HDAC9: variants seen among roughly 807,000 people sequenced by gnomAD.
HDAC9 encodes histone deacetylase 9, also known as MEF-2 interacting transcription repressor (MITR) protein.
In HDAC9, 41 loss-of-function variants were observed where a neutral mutation model predicts 139.4. The observed-to-expected ratio is 0.29, with a 90% CI of 0.23 to 0.38. The LOEUF (loss-of-function observed/expected upper bound fraction) is 0.38. HDAC9 is among the 10% of genes least tolerant of loss of function. The probability of loss-of-function intolerance (pLI) is 1.00; values close to 1 mark genes in which losing one functional copy is unlikely to be tolerated. For missense variants in HDAC9, 1,147 were observed against 1,297.0 expected, an observed-to-expected ratio of 0.88 and a Z score of 1.78; for synonymous variants, 517 against 476.2, an observed-to-expected ratio of 1.09 and a Z score of -1.12.
At chr7:18,515,499 T>A (rs918897725) in intron 2 of HDAC9, among the ~76,000 whole-genome samples, 1 of 152,128 alleles carries the variant, frequency 6.6e-6, no homozygotes, top group Non-Finnish European at 1.5e-5. Flanking sequence ...AAACATGAGG[T>A]AGAGTTCTAG....
rs149007501 is a variant in HDAC9 at position 18,587,212 on chromosome 7, G to A, written c.264+1690G>A. 5.3e-5 allele frequency among the ~76,000 whole-genome samples: 8 copies of A among 152,172 alleles called. No homozygotes were observed. The East Asian group carries it at 1.5e-3, about 29-fold the overall frequency. ...GCTTAATTTTACTCAAAAGGTAATA[G>A]TAGCAAGTAGATAATTAATTGTTCA... On this transcript the variant is annotated intron_variant, in intron 3 of 25. Transcript: ENST00000686413.
At chr7:18,591,739 A>G in intron 5 of HDAC9, 97 bp downstream of exon 5, 2 of 1,494,550 alleles carry the variant, frequency 1.3e-6, no homozygotes, top group South Asian at 2.6e-5. Context: ...GCCATTTCTC[A>G]GCTGTCTGGC....
At chr7:18,886,395 T>G (rs2129263237) in intron 22 of HDAC9, among the ~76,000 whole-genome samples, 1 of 152,354 alleles carries the variant, frequency 6.6e-6, no homozygotes, top group African/African-American at 2.4e-5. Context: ...TAAGCAGAGT[T>G]TGCCCCAGAG....
At chr7:18,466,009 G>GT (rs1002289373) in intron 1 of HDAC9, among the ~76,000 whole-genome samples, 1 of 152,174 alleles carries the variant, frequency 6.6e-6, no homozygotes, top group African/African-American at 2.4e-5. Context: ...TAAAATCAAA[G>GT]TATTAGTGGG....
intron 13 of HDAC9, among the ~76,000 whole-genome samples, chr7:18,746,166 T>C (rs373608118): frequency 9.9e-5 from 15 of 152,260 alleles, no homozygotes; most frequent in African/African-American, 3.1e-4. Flanking sequence ...GCACCGTACC[T>C]GGCCAAAAAT....
intron 1 of HDAC9, among the ~76,000 whole-genome samples, chr7:18,418,098 G>A (rs1789255769): frequency 6.6e-6 from 1 of 152,174 alleles, no homozygotes; most frequent in Non-Finnish European, 1.5e-5. Flanking sequence ...TCTCAGGATT[G>A]CTATCCTTTG....
intron 2 of HDAC9, among the ~76,000 whole-genome samples, chr7:18,250,152 T>C (rs768888228): frequency 1.6e-4 from 24 of 152,234 alleles, no homozygotes; most frequent in Non-Finnish European, 3.4e-4. Flanking sequence ...GAAATGCTTT[T>C]ATTTCTCTGC....
intron 1 of HDAC9, among the ~76,000 whole-genome samples, chr7:18,120,981 CAT>C (rs1784333721): frequency 6.6e-6 from 1 of 151,976 alleles, no homozygotes; most frequent in African/African-American, 2.4e-5. Context: ...TAACAGAAGA[CAT>C]AGAGATGAGA....
At chr7:18,823,148 G>C (rs1795114126) in intron 17 of HDAC9, among the ~76,000 whole-genome samples, 1 of 152,194 alleles carries the variant, frequency 6.6e-6, no homozygotes, top group African/African-American at 2.4e-5. Context: ...CCAATTAACT[G>C]TTCTCACATA....
intron 1 of HDAC9, among the ~76,000 whole-genome samples, chr7:18,142,504 T>TGTC (rs1785978864): frequency 6.6e-6 from 1 of 152,254 alleles, no homozygotes; most frequent in African/African-American, 2.4e-5. Flanking sequence ...ATCTGTTCTG[T>TGTC]TGTTACTGGG....
At chr7:18,252,035 T>C (rs2128198979) in intron 2 of HDAC9, among the ~76,000 whole-genome samples, 1 of 152,306 alleles carries the variant, frequency 6.6e-6, no homozygotes, top group Non-Finnish European at 1.5e-5. Context: ...AAATAGCAAA[T>C]AATTTTAAAT....
chr7:18,954,343 C>T (rs561970114), intron 24 of HDAC9, 113 bp downstream of exon 24: 14 of 845,620 alleles, frequency 1.7e-5, no homozygotes, highest in Admixed American at 5.0e-5. Flanking sequence ...TTTGCACATG[C>T]GTTCTTAAGT....
chr7:18,610,615 T>C (rs1418367859), intron 6 of HDAC9, among the ~76,000 whole-genome samples: 1 of 152,208 alleles, frequency 6.6e-6, no homozygotes, highest in African/African-American at 2.4e-5. Context: ...CATTCATCCA[T>C]CTAATGGGCA....
intron 6 of HDAC9, among the ~76,000 whole-genome samples, chr7:18,607,403 T>C (rs1326663148): frequency 6.6e-6 from 1 of 152,252 alleles, no homozygotes; most frequent in Non-Finnish European, 1.5e-5. Context: ...CTGTGTGACC[T>C]GCACATAGTG....
intron 12 of HDAC9, among the ~76,000 whole-genome samples, chr7:18,716,994 T>TC (rs1784746514): frequency 1.7e-5 from 2 of 116,184 alleles, no homozygotes; most frequent in South Asian, 5.0e-4. Flanking sequence ...TTAGCACTTT[T>TC]TTTTTTTTTT....
intron 1 of HDAC9, among the ~76,000 whole-genome samples, chr7:18,394,632 A>G (rs1786853883): frequency 6.6e-6 from 1 of 151,962 alleles, no homozygotes; most frequent in African/African-American, 2.4e-5. Context: ...GTGTGTGGAA[A>G]GTTTCACAAG....
intron 1 of HDAC9, among the ~76,000 whole-genome samples, chr7:18,092,367 G>T (rs1392087477): frequency 6.6e-6 from 1 of 151,752 alleles, no homozygotes; most frequent in Non-Finnish European, 1.5e-5. Flanking sequence ...TCCAGCCTGG[G>T]CAACACAGTA....
At chr7:18,440,120 A>G (rs1791611051) in intron 1 of HDAC9, among the ~76,000 whole-genome samples, 1 of 151,940 alleles carries the variant, frequency 6.6e-6, no homozygotes, top group Non-Finnish European at 1.5e-5. Flanking sequence ...GAATAACTGG[A>G]CATTGTTTTG....
intron 23 of HDAC9, among the ~76,000 whole-genome samples, chr7:18,946,069 A>AAAAAAAAAAAAAAAAAAAAAAAAAAAC (rs1782380221): frequency 7.5e-6 from 1 of 132,698 alleles, no homozygotes; most frequent in Non-Finnish European, 1.6e-5. Context: ...AAAAAAAAAA[A>AAAAAAAAAAAAAAAAAAAAAAAAAAAC]AAAAAGACCA....
Sources: allele counts gnomAD v4.1 joint callset (sites outside exome capture counted in the v4.1 genomes callset), GRCh38; gene constraint gnomAD v4.1.1; transcripts MANE v1.5; gene names NCBI Gene and HGNC (gene_info 2026-07-23, HGNC 2026-07-21).